The following TMPRSS11D variants were observed in gnomAD, a reference collection of about 807,000 sequenced individuals.
The protein encoded by TMPRSS11D is transmembrane serine protease 11D.
A neutral mutation model predicts 44.4 loss-of-function variants in TMPRSS11D; 32 were observed. The observed-to-expected ratio is 0.72, with a 90% confidence interval of 0.54 to 0.97. The LOEUF is 0.97. TMPRSS11D is among the 50% of genes least tolerant of loss of function. The pLI, the probability that TMPRSS11D is intolerant of heterozygous loss-of-function variation, is 0.00. For missense variants in TMPRSS11D, 446 were observed against 502.6 expected, an observed-to-expected ratio of 0.89 and a Z score of 1.08; for synonymous variants, 179 against 177.9, an observed-to-expected ratio of 1.01 and a Z score of -0.05.
chr4:67,845,602 C>A (rs1718339283), intron 3 of TMPRSS11D, among the ~76,000 whole-genome samples: 1 of 152,120 alleles, frequency 6.6e-6, no homozygotes, highest in Non-Finnish European at 1.5e-5. Context: ...CAATTATTAA[C>A]CTGTTCAAAT....
intron 1 of TMPRSS11D, among the ~76,000 whole-genome samples, chr4:67,868,595 G>A (rs1718978927): frequency 6.6e-6 from 1 of 152,186 alleles, no homozygotes; most frequent in Admixed American, 6.5e-5. Context: ...TATGTTTGGC[G>A]AAAAGTAGTT....
At position 67,833,299 on chromosome 4, in the gene TMPRSS11D, C is replaced by T. The variant is rs114055011; in HGVS notation, c.597G>A (p.Pro199=). Residue 199 remains proline, a synonymous_variant, in exon 7 of 10, where the codon CCG becomes CCA. Transcript: ENST00000283916. The part of the protein sequence containing the change: ...GGTEAEEGSW[P]WQVSLRLNNA... ...TATTGAGCCGCAGACTGACTTGCCA[C>T]GGCCAGCTTCCCTCCTCAGCCTCAG... The T allele has an allele frequency of 1.3e-3, 2,027 of 1,596,602 alleles. 22 individuals are homozygous for T. The African/African-American group carries it at 0.023, about 18-fold the overall frequency.
chr4:67,854,289 T>C, intron 2 of TMPRSS11D, 103 bp from the exon 3 acceptor site: 1 of 580,124 alleles, frequency 1.7e-6, no homozygotes, highest in Non-Finnish European at 2.9e-6. Flanking sequence ...TTTCAAAAAT[T>C]TGCTTTCCTT....
intron 1 of TMPRSS11D, among the ~76,000 whole-genome samples, chr4:67,866,953 G>A (rs1484313735): frequency 6.6e-6 from 1 of 151,564 alleles, no homozygotes; most frequent in African/African-American, 2.4e-5. Context: ...CAATACCAAT[G>A]TCATTTTTCA....
intron 9 of TMPRSS11D, 116 bp downstream of exon 9, chr4:67,825,616 G>A: frequency 9.2e-7 from 1 of 1,085,940 alleles, no homozygotes; most frequent in Non-Finnish European, 1.2e-6. Flanking sequence ...ATAAATTTTA[G>A]AGGAACAGGG....
At chr4:67,827,065 C>T (rs1383291016) in intron 8 of TMPRSS11D, among the ~76,000 whole-genome samples, 196 bp downstream of exon 8, 2 of 151,874 alleles carry the variant, frequency 1.3e-5, no homozygotes, top group African/African-American at 4.8e-5. Context: ...TTGAGAATTC[C>T]CATAGTTTCT....
chr4:67,845,312 T>G (rs540831750), intron 3 of TMPRSS11D, among the ~76,000 whole-genome samples: 2 of 152,298 alleles, frequency 1.3e-5, no homozygotes, highest in African/African-American at 4.8e-5. Context: ...AAATGCTTGG[T>G]AAGAAAATCA....
At chr4:67,825,662 A>C in intron 9 of TMPRSS11D, 70 bp downstream of exon 9, 1 of 1,534,856 alleles carries the variant, frequency 6.5e-7, no homozygotes. Flanking sequence ...TGTCTATCAC[A>C]TTATCACATA....
intron 3 of TMPRSS11D, among the ~76,000 whole-genome samples, chr4:67,848,633 T>C (rs1371025926): frequency 6.6e-6 from 1 of 152,234 alleles, no homozygotes; most frequent in Non-Finnish European, 1.5e-5. Flanking sequence ...AAATGCTTAT[T>C]GAGCTGAGAT....
At chr4:67,867,430 T>C (rs533123886) in intron 1 of TMPRSS11D, among the ~76,000 whole-genome samples, 3 of 152,210 alleles carry the variant, frequency 2.0e-5, no homozygotes, top group African/African-American at 7.2e-5. Context: ...GCAAAGAATT[T>C]ATGACGAAGT....
intron 3 of TMPRSS11D, among the ~76,000 whole-genome samples, chr4:67,846,658 T>A (rs926687928): frequency 1.3e-5 from 2 of 152,210 alleles, no homozygotes; most frequent in Non-Finnish European, 2.9e-5. Flanking sequence ...TTGGTTATTC[T>A]TGCAAACCAA....
At chr4:67,871,975 G>C (rs1426377410) in intron 1 of TMPRSS11D, among the ~76,000 whole-genome samples, 1 of 152,126 alleles carries the variant, frequency 6.6e-6, no homozygotes, top group Non-Finnish European at 1.5e-5. Context: ...CTGAGTGTTG[G>C]TAACCTGTTT....
intron 3 of TMPRSS11D, among the ~76,000 whole-genome samples, chr4:67,849,624 G>C (rs1004907748): frequency 6.6e-6 from 1 of 152,132 alleles, no homozygotes; most frequent in South Asian, 2.1e-4. Flanking sequence ...TTTTGTGTAA[G>C]AATGTACTAT....
chr4:67,838,270 T>C lies in TMPRSS11D; in HGVS notation c.377A>G (p.Asn126Ser). 6.2e-7 allele frequency: 1 copy of C among 1,601,624 alleles called. No homozygotes were observed. The highest frequency in any genetic ancestry group is 8.5e-7 in the Non-Finnish European group (1 of 1,175,032). ...VVMKFQFTRN[N>S]NGASMKSRIE... ...TCTGCTTTTCATTGATGCTCCATTG[T>C]TATTTCTAGTGAATTGAAATTTCAT... The change falls in exon 5 of 10, where the codon AAC (asparagine) becomes AGC (serine). Residue 126 changes from asparagine to serine, a missense_variant. By Grantham distance (46) the Asn-to-Ser change is conservative. Transcript: ENST00000283916.
intron 3 of TMPRSS11D, among the ~76,000 whole-genome samples, chr4:67,849,360 T>C (rs899782565): frequency 1.3e-5 from 2 of 152,156 alleles, no homozygotes; most frequent in Non-Finnish European, 2.9e-5. Context: ...GCTGGAAATA[T>C]AGTGAATCAT....
At chr4:67,858,546 T>C (rs1718713631) in intron 2 of TMPRSS11D, among the ~76,000 whole-genome samples, 1 of 152,182 alleles carries the variant, frequency 6.6e-6, no homozygotes, top group African/African-American at 2.4e-5. Context: ...TTTCTAATGT[T>C]GGTAATTTTA....
intron 3 of TMPRSS11D, among the ~76,000 whole-genome samples, chr4:67,846,862 A>G (rs1718370119): frequency 1.3e-5 from 2 of 152,130 alleles, no homozygotes; most frequent in South Asian, 4.1e-4. Flanking sequence ...ATTGCTAAAC[A>G]TATTTTCATA....
rs1408208745 is a variant in TMPRSS11D, at chr4:67,850,003, T to C, written c.249+4065A>G. On this transcript the variant is annotated intron_variant, in intron 3 of 9. Transcript: ENST00000283916. ...TCATTTTAAATGTTCAAAGTGTTTTTACAAAGGGATACATATGTAAGATTA... is the reference window on the plus strand; with the variant it reads ...TCATTTTAAATGTTCAAAGTGTTTTCACAAAGGGATACATATGTAAGATTA... Among the ~76,000 whole-genome samples the C allele has an allele frequency of 2.6e-5, 4 of 152,314 alleles. No individual in the cohort carries two copies. In the East Asian group the frequency reaches 5.8e-4, roughly 22 times the overall value.
chr4:67,883,686 C>G (rs1203114147), intron 1 of TMPRSS11D, among the ~76,000 whole-genome samples: 1 of 151,978 alleles, frequency 6.6e-6, no homozygotes, highest in Non-Finnish European at 1.5e-5. Context: ...GTTGTCATAA[C>G]GCTAAGCTAA....
Sources: gnomAD v4.1 joint callset for allele counts (sites outside exome capture counted in the v4.1 genomes callset) on GRCh38, gnomAD v4.1.1 for gene constraint, MANE v1.5 for transcripts, NCBI Gene and HGNC (gene_info 2026-07-23, HGNC 2026-07-21) for gene names.